ASCC1: variants seen among roughly 807,000 people sequenced by gnomAD.
ASCC1 encodes the protein ASC-1 complex subunit P50.
In ASCC1, 35 loss-of-function variants were observed where a neutral mutation model predicts 46.6. That is an observed-to-expected ratio of 0.75 (90% CI 0.57 to 0.99). The LOEUF (loss-of-function observed/expected upper bound fraction) is 0.99. ASCC1 is among the 50% of genes least tolerant of loss of function. The pLI is 0.00. For synonymous variants in ASCC1, 143 were observed against 146.6 expected (o/e 0.98, Z 0.18); for missense variants, 376 against 428.7 (o/e 0.88, Z 1.09).
intron 3 of ASCC1, among the ~76,000 whole-genome samples, chr10:72,209,857 T>C (rs1589655422): frequency 6.6e-6 from 1 of 152,328 alleles, no homozygotes; most frequent in Non-Finnish European, 1.5e-5. Context: ...CCAAATCTCA[T>C]GTTGAAATGT....
chr10:72,141,967 A>C (rs1847068447), intron 7 of ASCC1, among the ~76,000 whole-genome samples: 1 of 152,192 alleles, frequency 6.6e-6, no homozygotes, highest in African/African-American at 2.4e-5. Flanking sequence ...TGTACTTTTT[A>C]AAATTGTCTC....
intron 7 of ASCC1, among the ~76,000 whole-genome samples, chr10:72,149,166 C>A (rs551502893): frequency 3.3e-5 from 5 of 151,202 alleles, no homozygotes; most frequent in Admixed American, 6.6e-5. Flanking sequence ...TGGCCGGGCA[C>A]GGTGGCTCAT....
intron 6 of ASCC1, 131 bp from the exon 7 acceptor site, chr10:72,153,119 GT>G: frequency 8.3e-7 from 1 of 1,202,458 alleles, no homozygotes; most frequent in South Asian, 1.4e-5. Flanking sequence ...TGGTAGTTGT[GT>G]TTTTTCCTAA....
At chr10:72,203,617 C>A in intron 3 of ASCC1, 93 bp from the exon 4 acceptor site, 1 of 939,088 alleles carries the variant, frequency 1.1e-6, no homozygotes. Context: ...AAGAGATACT[C>A]CCTTACAGAA....
chr10:72,213,883 C>T (rs1031581304), intron 1 of ASCC1, among the ~76,000 whole-genome samples: 2 of 151,458 alleles, frequency 1.3e-5, no homozygotes, highest in Admixed American at 6.6e-5. Flanking sequence ...ACTAAAAATA[C>T]AAAAATTAGC....
intron 8 of ASCC1, among the ~76,000 whole-genome samples, chr10:72,129,578 G>T (rs1308373544): frequency 1.3e-5 from 2 of 151,960 alleles, no homozygotes; most frequent in African/African-American, 4.8e-5. Context: ...GGGACAGGTG[G>T]ATCACCTTAG....
intron 9 of ASCC1, 87 bp downstream of exon 9, chr10:72,127,995 G>A: frequency 9.6e-7 from 1 of 1,042,766 alleles, no homozygotes; most frequent in Non-Finnish European, 1.5e-6. Context: ...GAAGAAGTAT[G>A]AAGAAATATA....
chr10:72,156,612 T>C (rs1848997109), intron 6 of ASCC1, among the ~76,000 whole-genome samples: 1 of 151,296 alleles, frequency 6.6e-6, no homozygotes, highest in South Asian at 2.1e-4. Flanking sequence ...CTCTACTAAA[T>C]ATACAAAAAA....
chr10:72,101,196 G>A (rs1841712369), intron 9 of ASCC1, among the ~76,000 whole-genome samples: 2 of 152,162 alleles, frequency 1.3e-5, no homozygotes, highest in Non-Finnish European at 1.5e-5. Flanking sequence ...TCAGAAGAGG[G>A]AAATGCTGAT....
intron 5 of ASCC1, among the ~76,000 whole-genome samples, chr10:72,187,578 G>A (rs1853659864): frequency 6.6e-6 from 1 of 152,044 alleles, no homozygotes; most frequent in South Asian, 2.1e-4. Flanking sequence ...AAATTAGCCG[G>A]GCACAGTGGC....
chr10:72,132,940 A>C, intron 8 of ASCC1, 117 bp downstream of exon 8: 1 of 1,302,062 alleles, frequency 7.7e-7, no homozygotes, highest in Non-Finnish European at 1.1e-6. Flanking sequence ...GAATAAGCTA[A>C]GAGGTCTAAA....
intron 8 of ASCC1, among the ~76,000 whole-genome samples, chr10:72,131,439 T>TACAC (rs71927487): frequency 0.055 from 7,677 of 139,306 alleles, 296 homozygotes; most frequent in African/African-American, 0.1. Context: ...AAAATAAAAA[T>TACAC]ACACACACAC....
At chr10:72,181,789 G>A (rs754121510) in intron 5 of ASCC1, among the ~76,000 whole-genome samples, 1 of 151,934 alleles carries the variant, frequency 6.6e-6, no homozygotes, top group Non-Finnish European at 1.5e-5. Context: ...GGGTTCAAGC[G>A]ATTCTTGTGC....
chr10:72,156,254 C>T (rs1224135864), intron 6 of ASCC1, among the ~76,000 whole-genome samples: 2 of 152,208 alleles, frequency 1.3e-5, no homozygotes, highest in African/African-American at 4.8e-5. Context: ...ATGTGATGTG[C>T]TTGATCCCCT....
In ASCC1 at chr10:72,196,856, T is replaced by C. The variant is rs769899560; in HGVS notation, c.444A>G (p.Glu148=). The change falls in exon 5 of 10, where the codon GAA becomes GAG. Residue 148 remains glutamate, a synonymous_variant. Transcript: ENST00000672957. ...AFFLNEVEVQ[E]GFLRFQEEVL... ...CTTCCTCCTGGAATCTCAGGAATCC[T>C]TCCTGAACCTCAACTTCATTGAGGA... 3.7e-6 allele frequency: 6 copies of C among 1,613,466 alleles called. No individual in the cohort carries two copies. The African/African-American group carries it at 8.0e-5, about 22-fold the overall frequency.
Position 72,196,954 on chromosome 10 carries a change from C to A in ASCC1, c.346G>T (p.Ala116Ser). The change falls in exon 5 of 10, where the codon GCC (alanine) becomes TCC (serine). Residue 116 changes from alanine to serine, a missense_variant. Ala to Ser is a moderately conservative substitution (Grantham distance 99). Transcript: ENST00000672957. ...TGQHRNGVIS[A>S]RTRIDVLLDT... ...AAAAGAACATCAATCCGTGTTCGGG[C>A]TGAAATTACACCATTTCGATGCTGG... The A allele has an allele frequency of 6.2e-7, 1 of 1,613,610 alleles. No individual in the cohort carries two copies.
rs755255125 is a variant in ASCC1 at position 72,097,333 on chromosome 10, C to T, written c.*1G>A. ...GTTTCTAGTGCTTTCCAAGATCCAC[C>T]TCAGGAGAAGTCAATTTGTCCACAG... On this transcript the variant is annotated 3_prime_UTR_variant, in exon 10 of 10. Transcript: ENST00000672957. The T allele has an allele frequency of 6.3e-7, 1 of 1,595,304 alleles. No individual in the cohort carries two copies. Among genetic ancestry groups the T allele is most frequent in the Non-Finnish European group, 8.6e-7 (1 of 1,163,046 alleles).
chr10:72,139,140 G>C (rs369830449), intron 7 of ASCC1, among the ~76,000 whole-genome samples: 1 of 138,996 alleles, frequency 7.2e-6, no homozygotes, highest in African/African-American at 2.8e-5. Flanking sequence ...TTGAGACGGC[G>C]TCTCACTCTG....
intron 5 of ASCC1, among the ~76,000 whole-genome samples, chr10:72,195,875 C>T (rs558361843): frequency 6.6e-6 from 1 of 151,856 alleles, no homozygotes; most frequent in Non-Finnish European, 1.5e-5. Flanking sequence ...CACATTGATA[C>T]ACACACATAT....
Sources: gnomAD v4.1 joint callset for allele counts (sites outside exome capture counted in the v4.1 genomes callset) on GRCh38, gnomAD v4.1.1 for gene constraint, MANE v1.5 for transcripts, NCBI Gene and HGNC (gene_info 2026-07-23, HGNC 2026-07-21) for gene names.